Variants in DLGAP1 observed in about 807,000 individuals in gnomAD.
DLGAP1 encodes the protein disks large-associated protein 1.
In DLGAP1, 11 loss-of-function variants were observed where a neutral mutation model predicts 90.8. The ratio of observed to expected loss-of-function variants is 0.12; its 90% CI spans 0.08 to 0.20. The LOEUF is 0.20. Ranked by LOEUF, DLGAP1 falls within the 10% of genes least tolerant of loss-of-function variation. DLGAP1 has a pLI of 1.00. For missense variants in DLGAP1, 1,050 were observed against 1,333.8 expected (o/e 0.79, Z 3.31); for synonymous variants, 558 against 540.7 (o/e 1.03, Z -0.44).
At chr18:3,549,664 C>T (rs2053268331) in intron 9 of DLGAP1, among the ~76,000 whole-genome samples, 1 of 152,108 alleles carries the variant, frequency 6.6e-6, no homozygotes, top group South Asian at 2.1e-4. Flanking sequence ...CATGCACTTC[C>T]GGTCTGTCCC....
At chr18:3,614,658 T>A (rs900099784) in intron 7 of DLGAP1, among the ~76,000 whole-genome samples, 1 of 122,442 alleles carries the variant, frequency 8.2e-6, no homozygotes, top group African/African-American at 3.2e-5. Context: ...CTGACCAACA[T>A]GGAGAAACCC....
rs2055437772 is a variant in DLGAP1 at position 3,580,603 on chromosome 18, T to C, written c.1965+1272A>G. ...AGGTGCCCATGGAGACTAGAGAGAA[T>C]GGACTGGAAGAATGTGCCGGTGAGC... On this transcript the variant is annotated intron_variant, in intron 8 of 12. Coordinates refer to ENST00000315677, the MANE Select transcript of DLGAP1 (RefSeq NM_004746.4). The C allele has an allele frequency of 2.5e-6, 4 of 1,586,884 alleles. No individual in the cohort carries two copies. The African/African-American group carries it at 4.0e-5, about 16-fold the overall frequency.
At chr18:4,164,212 G>A (rs572682473) in intron 1 of DLGAP1, among the ~76,000 whole-genome samples, 6 of 152,048 alleles carry the variant, frequency 3.9e-5, no homozygotes, top group African/African-American at 1.4e-4. Context: ...CTAATTTAAC[G>A]GATAAAAGGC....
intron 1 of DLGAP1, among the ~76,000 whole-genome samples, chr18:4,371,149 G>A (rs2081907200): frequency 6.6e-6 from 1 of 152,202 alleles, no homozygotes; most frequent in African/African-American, 2.4e-5. Flanking sequence ...TACATTTGCA[G>A]GTGTCTGAGA....
intron 7 of DLGAP1, among the ~76,000 whole-genome samples, chr18:3,588,263 C>T (rs368162921): frequency 7.2e-5 from 11 of 152,182 alleles, no homozygotes; most frequent in African/African-American, 2.6e-4. Context: ...AGTTCGAGAC[C>T]AGCCTGAACA....
At chr18:3,762,936 T>A (rs976721954) in intron 5 of DLGAP1, among the ~76,000 whole-genome samples, 6 of 152,220 alleles carry the variant, frequency 3.9e-5, no homozygotes, top group African/African-American at 1.2e-4. Context: ...GAATACAGAA[T>A]GGCCATTATC....
chr18:4,363,264 T>C (rs2081671090), intron 1 of DLGAP1, among the ~76,000 whole-genome samples: 1 of 152,174 alleles, frequency 6.6e-6, no homozygotes, highest in Non-Finnish European at 1.5e-5. Flanking sequence ...CATCCCTGAT[T>C]GCATGTGAGT....
At chr18:3,587,668 C>A (rs1006387155) in intron 7 of DLGAP1, among the ~76,000 whole-genome samples, 6 of 152,170 alleles carry the variant, frequency 3.9e-5, no homozygotes, top group Non-Finnish European at 5.9e-5. Context: ...TGCTGCTGCT[C>A]ACTCTTTGGG....
chr18:4,141,869 C>A (rs559265150), intron 2 of DLGAP1, among the ~76,000 whole-genome samples: 1 of 152,062 alleles, frequency 6.6e-6, no homozygotes, highest in East Asian at 1.9e-4. Flanking sequence ...TTCTAAATTC[C>A]TTCTCTGTTT....
chr18:3,687,877 T>A (rs984760246), intron 7 of DLGAP1, among the ~76,000 whole-genome samples: 1 of 151,118 alleles, frequency 6.6e-6, no homozygotes, highest in Non-Finnish European at 1.5e-5. Flanking sequence ...TTTATAATAA[T>A]GAGTATAATT....
chr18:4,289,519 T>G (rs902803944), intron 1 of DLGAP1, among the ~76,000 whole-genome samples: 6 of 152,190 alleles, frequency 3.9e-5, no homozygotes, highest in African/African-American at 1.4e-4. Context: ...AACATCCATG[T>G]GAATACCCAA....
intron 1 of DLGAP1, among the ~76,000 whole-genome samples, chr18:4,354,070 C>A (rs375074537): frequency 6.6e-6 from 1 of 152,134 alleles, no homozygotes; most frequent in East Asian, 1.9e-4. Context: ...CTCTGTGACT[C>A]GCACATAGTT....
At chr18:4,000,105 G>A (rs766927088) in intron 3 of DLGAP1, among the ~76,000 whole-genome samples, 18 of 152,166 alleles carry the variant, frequency 1.2e-4, no homozygotes, top group Admixed American at 6.5e-4. Flanking sequence ...GTGAACCACT[G>A]CACCCAGCCT....
intron 10 of DLGAP1, among the ~76,000 whole-genome samples, chr18:3,519,683 G>T (rs2051058253): frequency 6.6e-6 from 1 of 152,126 alleles, no homozygotes; most frequent in Admixed American, 6.6e-5. Context: ...CTTTATTAAA[G>T]GACTCAAGGT....
intron 4 of DLGAP1, chr18:3,822,098 G>A (rs1328545923): frequency 1.5e-6 from 1 of 646,530 alleles, no homozygotes; most frequent in South Asian, 6.9e-5. Context: ...CATGATTGTT[G>A]CTTCCCAATC....
chr18:4,314,535 T>C (rs966391925), intron 1 of DLGAP1, among the ~76,000 whole-genome samples: 5 of 152,234 alleles, frequency 3.3e-5, no homozygotes, highest in Admixed American at 2.0e-4. Flanking sequence ...ATGACAATTA[T>C]ATAATGGAAT....
intron 1 of DLGAP1, among the ~76,000 whole-genome samples, chr18:4,307,181 C>T (rs992580439): frequency 3.3e-5 from 5 of 152,102 alleles, no homozygotes; most frequent in Non-Finnish European, 4.4e-5. Context: ...CCAGGTTGTC[C>T]TGGAAGAAAT....
At chr18:3,620,522 C>T (rs887294832) in intron 7 of DLGAP1, among the ~76,000 whole-genome samples, 3 of 150,376 alleles carry the variant, frequency 2.0e-5, no homozygotes, top group Non-Finnish European at 2.9e-5. Context: ...GATGAAAATC[C>T]TCGAGAACAA....
chr18:3,772,341 TCTCTC>T (rs1568108251), intron 5 of DLGAP1, among the ~76,000 whole-genome samples: 1,522 of 58,276 alleles, frequency 0.026, 57 homozygotes, highest in Non-Finnish European at 0.037. Context: ...CTTCTCTCTC[TCTCTC>T]TCTTTCTTTC....
Sources: gnomAD v4.1 joint callset for allele counts (sites outside exome capture counted in the v4.1 genomes callset) on GRCh38, gnomAD v4.1.1 for gene constraint, MANE v1.5 for transcripts, NCBI Gene and HGNC (gene_info 2026-07-23, HGNC 2026-07-21) for gene names.